The following RBFOX1 variants were observed in gnomAD, a reference collection of about 807,000 sequenced individuals.
The protein encoded by RBFOX1 is RNA binding protein fox-1 homolog 1.
Under a neutral mutation model 57.7 loss-of-function variants are expected in RBFOX1, and 8 were observed. The observed-to-expected ratio is 0.14, with a 90% confidence interval of 0.08 to 0.25. The LOEUF (loss-of-function observed/expected upper bound fraction) is 0.25. Ranked by LOEUF, RBFOX1 falls within the 10% of genes least tolerant of loss-of-function variation. The probability of loss-of-function intolerance (pLI) is 1.00; values close to 1 mark genes in which losing one functional copy is unlikely to be tolerated. For synonymous variants in RBFOX1, 326 were observed against 222.4 expected, an observed-to-expected ratio of 1.47 and a Z score of -4.15; for missense variants, 611 against 548.5, an observed-to-expected ratio of 1.11 and a Z score of -1.14.
At chr16:5,579,826 C>G (rs1596332757) in intron 2 of RBFOX1, among the ~76,000 whole-genome samples, 2 of 151,540 alleles carry the variant, frequency 1.3e-5, no homozygotes, top group East Asian at 1.9e-4. Flanking sequence ...GTCACTCGAT[C>G]TCAGCTCACT....
intron 1 of RBFOX1, among the ~76,000 whole-genome samples, chr16:6,183,171 C>G (rs191778789): frequency 3.3e-5 from 5 of 151,990 alleles, no homozygotes; most frequent in Admixed American, 3.3e-4. Context: ...TATTAATCGC[C>G]ATGAAGAAGA....
chr16:6,550,217 G>A lies in RBFOX1; in HGVS notation c.-63-104386G>A, dbSNP rs1035924963. Among the ~76,000 whole-genome samples, 11 of 151,866 alleles carry A rather than the reference G, an allele frequency of 7.2e-5. 1 individual carries two copies. The highest frequency in any genetic ancestry group is 3.9e-4 in the East Asian group (2 of 5,152). The stretch of plus-strand genomic sequence containing the variant: ...CGGGGGGACAGAGTCTTACTCTGTC[G>A]CCCAGACTGGAGTGTAGTGGCGTGA... On this transcript the variant is annotated intron_variant, in intron 2 of 15. Transcript: ENST00000550418.
At chr16:7,244,311 G>A (rs554986107) in intron 4 of RBFOX1, among the ~76,000 whole-genome samples, 1 of 145,784 alleles carries the variant, frequency 6.9e-6, no homozygotes, top group African/African-American at 2.5e-5. Context: ...CAGTCCTTGA[G>A]ATTATCTTGA....
intron 2 of RBFOX1, among the ~76,000 whole-genome samples, chr16:5,591,872 C>T (rs368312063): frequency 6.6e-6 from 1 of 152,186 alleles, no homozygotes; most frequent in East Asian, 1.9e-4. Flanking sequence ...GATGTTTAAA[C>T]AGCAGACACT....
chr16:7,587,722 C>T (rs971203294), intron 7 of RBFOX1, among the ~76,000 whole-genome samples: 1 of 152,120 alleles, frequency 6.6e-6, no homozygotes, highest in Non-Finnish European at 1.5e-5. Flanking sequence ...ATACACCAAC[C>T]TTTTGAATGT....
At chr16:6,789,343 G>A (rs904027405) in intron 3 of RBFOX1, among the ~76,000 whole-genome samples, 10 of 152,102 alleles carry the variant, frequency 6.6e-5, no homozygotes, top group African/African-American at 9.7e-5. Context: ...GTGAGTTTCC[G>A]CTTTGAGATG....
At chr16:6,972,231 A>G (rs780090927) in intron 3 of RBFOX1, among the ~76,000 whole-genome samples, 13 of 152,116 alleles carry the variant, frequency 8.5e-5, no homozygotes, top group African/African-American at 1.2e-4. Context: ...CTCTGTATCT[A>G]TTAACTCTGT....
At chr16:5,754,027 G>A (rs1294374204) in intron 3 of RBFOX1, among the ~76,000 whole-genome samples, 2 of 152,244 alleles carry the variant, frequency 1.3e-5, no homozygotes, top group Non-Finnish European at 2.9e-5. Context: ...ATTCTCAAAT[G>A]TCAATGTGTA....
chr16:6,486,217 ACACT>A (rs1305247537), intron 2 of RBFOX1, among the ~76,000 whole-genome samples: 1 of 151,256 alleles, frequency 6.6e-6, no homozygotes, highest in East Asian at 1.9e-4. Context: ...ATCCAGGTAC[ACACT>A]CCTCATTGTT....
At chr16:7,376,079 G>C (rs889063394) in intron 4 of RBFOX1, among the ~76,000 whole-genome samples, 3 of 152,140 alleles carry the variant, frequency 2.0e-5, no homozygotes, top group African/African-American at 4.8e-5. Context: ...TTGTAAAAAA[G>C]GGAGTGTACA....
At chr16:7,560,442 A>C (rs1601822095) in intron 5 of RBFOX1, among the ~76,000 whole-genome samples, 1 of 151,648 alleles carries the variant, frequency 6.6e-6, no homozygotes, top group African/African-American at 2.4e-5. Flanking sequence ...AAATGAAAGT[A>C]CCCCCAGTGA....
intron 2 of RBFOX1, among the ~76,000 whole-genome samples, chr16:6,499,040 A>G (rs1237335417): frequency 6.6e-6 from 1 of 152,210 alleles, no homozygotes; most frequent in Non-Finnish European, 1.5e-5. Context: ...ACAGGTTAGT[A>G]ATTAACTTAT....
At chr16:5,918,971 A>C (rs1222973131) in intron 4 of RBFOX1, among the ~76,000 whole-genome samples, 1 of 152,182 alleles carries the variant, frequency 6.6e-6, no homozygotes, top group Non-Finnish European at 1.5e-5. Flanking sequence ...TGAACAGTGG[A>C]CACAAGGAGG....
intron 4 of RBFOX1, among the ~76,000 whole-genome samples, chr16:7,097,484 G>A (rs1301357871): frequency 6.6e-6 from 1 of 152,180 alleles, no homozygotes; most frequent in Non-Finnish European, 1.5e-5. Context: ...GTAAGAGAGT[G>A]AGTGGAGTTT....
At chr16:6,473,879 G>A (rs527596918) in intron 2 of RBFOX1, among the ~76,000 whole-genome samples, 2 of 152,168 alleles carry the variant, frequency 1.3e-5, no homozygotes, top group Non-Finnish European at 2.9e-5. Context: ...GAAGTTGGAG[G>A]TGTGGACAAA....
intron 4 of RBFOX1, among the ~76,000 whole-genome samples, chr16:7,061,719 A>G (rs1362265977): frequency 5.3e-5 from 8 of 152,164 alleles, no homozygotes; most frequent in Non-Finnish European, 7.3e-5. Flanking sequence ...ATCTGTATCA[A>G]ACAGCTCCAA....
chr16:6,791,397 G>A (rs908029716), intron 3 of RBFOX1, among the ~76,000 whole-genome samples: 12 of 152,102 alleles, frequency 7.9e-5, no homozygotes, highest in Non-Finnish European at 7.4e-5. Context: ...TCTAATAGGT[G>A]CAGCCCTGTG....
chr16:6,594,970 G>A (rs928040926), intron 2 of RBFOX1, among the ~76,000 whole-genome samples: 1 of 152,080 alleles, frequency 6.6e-6, no homozygotes, highest in Non-Finnish European at 1.5e-5. Flanking sequence ...TGTGTTTATA[G>A]CAGAGACAAG....
chr16:7,072,757 G>A (rs978169092), intron 4 of RBFOX1, among the ~76,000 whole-genome samples: 3 of 152,252 alleles, frequency 2.0e-5, no homozygotes, highest in Admixed American at 6.5e-5. Context: ...GTACAAAGCA[G>A]CACAGAGCTG....
Sources: gnomAD v4.1 joint callset for allele counts (sites outside exome capture counted in the v4.1 genomes callset) on GRCh38, gnomAD v4.1.1 for gene constraint, MANE v1.5 for transcripts, NCBI Gene and HGNC (gene_info 2026-07-23, HGNC 2026-07-21) for gene names.